Variants in ITGA8 observed in about 807,000 individuals in gnomAD.
The protein encoded by ITGA8 is integrin alpha-8.
In ITGA8, 91 loss-of-function variants were observed where a neutral mutation model predicts 142.3. That is an observed-to-expected ratio of 0.64 (90% CI 0.54 to 0.76). The LOEUF is 0.76. Ranked by LOEUF, ITGA8 falls within the 30% of genes least tolerant of loss-of-function variation. The probability of loss-of-function intolerance (pLI) is 0.00; values close to 1 mark genes in which losing one functional copy is unlikely to be tolerated. For missense variants in ITGA8, 1,406 were observed against 1,327.7 expected, an observed-to-expected ratio of 1.06 and a Z score of -0.92; for synonymous variants, 505 against 485.2, an observed-to-expected ratio of 1.04 and a Z score of -0.54.
At chr10:15,620,999 CTGA>C (rs574138910) in intron 13 of ITGA8, among the ~76,000 whole-genome samples, 168 of 152,242 alleles carry the variant, frequency 1.1e-3, no homozygotes, top group South Asian at 1.7e-3. Flanking sequence ...AGTTTCAGGG[CTGA>C]TATTTGAATT....
At chr10:15,657,336 A>T (rs927173443) in intron 10 of ITGA8, among the ~76,000 whole-genome samples, 1 of 152,168 alleles carries the variant, frequency 6.6e-6, no homozygotes, top group African/African-American at 2.4e-5. Flanking sequence ...TATCTATTCA[A>T]CTTCCCGCTC....
At chr10:15,717,926 C>G (rs1291358032) in intron 2 of ITGA8, among the ~76,000 whole-genome samples, 3 of 152,164 alleles carry the variant, frequency 2.0e-5, no homozygotes, top group Non-Finnish European at 4.4e-5. Flanking sequence ...GTGTGGTACA[C>G]AAGGTATTTT....
chr10:15,621,537 A>C (rs1487116451), intron 13 of ITGA8, among the ~76,000 whole-genome samples: 3 of 152,188 alleles, frequency 2.0e-5, no homozygotes, highest in South Asian at 4.1e-4. Flanking sequence ...CTAATTTGGG[A>C]AAGAAATTTT....
intron 13 of ITGA8, among the ~76,000 whole-genome samples, chr10:15,636,488 A>G (rs1404258407): frequency 6.6e-6 from 1 of 152,210 alleles, no homozygotes; most frequent in African/African-American, 2.4e-5. Flanking sequence ...GTTGAGGTGG[A>G]TGTTAGGAAA....
chr10:15,576,471 T>A (rs1398518078), intron 23 of ITGA8, among the ~76,000 whole-genome samples: 2 of 152,178 alleles, frequency 1.3e-5, no homozygotes, highest in Non-Finnish European at 2.9e-5. Flanking sequence ...TTTCTAGCAG[T>A]TTTTAGGTAA....
At chr10:15,565,781 G>T (rs980846592) in intron 25 of ITGA8, among the ~76,000 whole-genome samples, 1 of 151,380 alleles carries the variant, frequency 6.6e-6, no homozygotes, top group African/African-American at 2.4e-5. Flanking sequence ...GCAGAGATGG[G>T]GTTTTGCCAT....
At chr10:15,558,313 A>T in intron 25 of ITGA8, 111 bp from the exon 26 acceptor site, 1 of 1,251,790 alleles carries the variant, frequency 8.0e-7, no homozygotes, top group Non-Finnish European at 1.1e-6. Flanking sequence ...TATGATTCAC[A>T]TGAGGATCCA....
chr10:15,637,006 G>T (rs890058140), intron 13 of ITGA8, among the ~76,000 whole-genome samples: 1 of 152,154 alleles, frequency 6.6e-6, no homozygotes, highest in South Asian at 2.1e-4. Context: ...TTAGCTGGGC[G>T]TGGTGGCACA....
At chr10:15,564,198 C>G (rs1182062926) in intron 25 of ITGA8, among the ~76,000 whole-genome samples, 1 of 152,194 alleles carries the variant, frequency 6.6e-6, no homozygotes, top group East Asian at 1.9e-4. Context: ...GTCAAAAGAT[C>G]TCCAAATAGC....
At chr10:15,617,307 C>A (rs1470392723) in intron 13 of ITGA8, among the ~76,000 whole-genome samples, 1 of 151,786 alleles carries the variant, frequency 6.6e-6, no homozygotes, top group Admixed American at 6.6e-5. Context: ...AGTGGTGGAA[C>A]TGGTTGACTG....
At chr10:15,561,215 A>ATATATATATATATATATATATATG (rs1447645027) in intron 25 of ITGA8, among the ~76,000 whole-genome samples, 1 of 102,508 alleles carries the variant, frequency 9.8e-6, no homozygotes, top group Non-Finnish European at 1.9e-5. Context: ...TTGGCTATAT[A>ATATATATATATATATATATATATG]TATATATATA....
intron 29 of ITGA8, among the ~76,000 whole-genome samples, chr10:15,518,187 A>G (rs1176413517): frequency 1.3e-5 from 2 of 152,198 alleles, no homozygotes; most frequent in Non-Finnish European, 2.9e-5. Flanking sequence ...CAAGTAAACT[A>G]CATATTTTCC....
intron 15 of ITGA8, among the ~76,000 whole-genome samples, chr10:15,612,985 A>G (rs895324344): frequency 3.3e-5 from 5 of 152,082 alleles, no homozygotes; most frequent in Non-Finnish European, 7.4e-5. Context: ...ACATAGTGAA[A>G]CCCCGTCTCT....
chr10:15,674,640 A>G (rs1406905437), intron 6 of ITGA8, among the ~76,000 whole-genome samples: 1 of 152,184 alleles, frequency 6.6e-6, no homozygotes, highest in Non-Finnish European at 1.5e-5. Context: ...ATACAATTTT[A>G]TCATAAATCA....
At chr10:15,618,317 T>A (rs1196458546) in intron 13 of ITGA8, among the ~76,000 whole-genome samples, 1 of 152,174 alleles carries the variant, frequency 6.6e-6, no homozygotes, top group Non-Finnish European at 1.5e-5. Flanking sequence ...ATTGGTTAAT[T>A]CTAGCACAAC....
At chr10:15,588,223 A>C (rs887444957) in intron 22 of ITGA8, among the ~76,000 whole-genome samples, 2 of 152,242 alleles carry the variant, frequency 1.3e-5, no homozygotes, top group East Asian at 3.8e-4. Flanking sequence ...AGGAGGCGGC[A>C]GAATTGTTCC....
chr10:15,680,875 T>G (rs1834724414), intron 4 of ITGA8, among the ~76,000 whole-genome samples: 1 of 151,832 alleles, frequency 6.6e-6, no homozygotes, highest in Non-Finnish European at 1.5e-5. Context: ...CATTGCAAAG[T>G]CTTTTTTTTT....
In ITGA8 at chr10:15,672,677, G is replaced by T; in HGVS notation, c.749C>A (p.Ala250Glu). ...YSFKDILRKLAGEKQTEVAPA... is the reference protein window; with the variant it reads ...YSFKDILRKLEGEKQTEVAPA... ...AGCCACTTCCGTCTGCTTTTCTCCT[G>T]CCAGTTTCCTGAGGATATCCTTGAA... The change falls in exon 7 of 30, where the codon GCA (alanine) becomes GAA (glutamate). Residue 250 changes from alanine to glutamate, a missense_variant. By Grantham distance (107) the Ala-to-Glu change is moderately radical (BLOSUM62 -1). Transcript: ENST00000378076. The T allele has an allele frequency of 6.2e-7, 1 of 1,613,758 alleles. No individual in the cohort carries two copies. The highest frequency in any genetic ancestry group is 1.1e-5 in the South Asian group (1 of 91,034).
At chr10:15,540,657 A>C (rs1169962010) in intron 27 of ITGA8, among the ~76,000 whole-genome samples, 1 of 152,212 alleles carries the variant, frequency 6.6e-6, no homozygotes, top group East Asian at 1.9e-4. Context: ...CAAGCTCCTC[A>C]TGGAAGATTC....
Sources: allele counts gnomAD v4.1 joint callset (sites outside exome capture counted in the v4.1 genomes callset), GRCh38; gene constraint gnomAD v4.1.1; transcripts MANE v1.5; gene names NCBI Gene and HGNC (gene_info 2026-07-23, HGNC 2026-07-21).